The following PATJ variants were observed in gnomAD, a reference collection of about 807,000 sequenced individuals.
PATJ encodes the protein PATJ crumbs cell polarity complex component, also known as inaD-like protein.
A neutral mutation model predicts 224.9 loss-of-function variants in PATJ; 190 were observed. The ratio of observed to expected loss-of-function variants is 0.84; its 90% CI spans 0.75 to 0.95. The LOEUF (loss-of-function observed/expected upper bound fraction) is 0.95. Ranked by LOEUF, PATJ falls within the 40% of genes least tolerant of loss-of-function variation. The pLI, the probability that PATJ is intolerant of heterozygous loss-of-function variation, is 0.00. For missense variants in PATJ, 2,121 were observed against 2,270.3 expected (o/e 0.93, Z 1.34); for synonymous variants, 769 against 820.3 (o/e 0.94, Z 1.07).
intron 22 of PATJ, among the ~76,000 whole-genome samples, chr1:61,898,166 T>A (rs1013994199): frequency 6.6e-6 from 1 of 152,238 alleles, no homozygotes; most frequent in Admixed American, 6.5e-5. Context: ...TGAGGTTGTA[T>A]GCTTAAGCCT....
chr1:62,039,184 A>G (rs890028980), intron 30 of PATJ: 40 of 515,724 alleles, frequency 7.8e-5, no homozygotes, highest in African/African-American at 7.4e-4. Flanking sequence ...TTGTAGAACT[A>G]CTAAAGTTCC....
chr1:62,135,055 A>G (rs1359012059), intron 41 of PATJ, among the ~76,000 whole-genome samples: 1 of 152,160 alleles, frequency 6.6e-6, no homozygotes, highest in Non-Finnish European at 1.5e-5. Flanking sequence ...TAGTTGCATA[A>G]TAAAATCACT....
intron 21 of PATJ, among the ~76,000 whole-genome samples, chr1:61,880,083 C>CA (rs1667888941): frequency 6.6e-6 from 1 of 152,136 alleles, no homozygotes; most frequent in Admixed American, 6.5e-5. Context: ...CTCAGCCTCC[C>CA]AAAGTGCTGG....
chr1:62,057,183 C>T (rs958193528), intron 31 of PATJ, among the ~76,000 whole-genome samples: 2 of 152,002 alleles, frequency 1.3e-5, no homozygotes, highest in African/African-American at 2.4e-5. Context: ...GCTAAGAGAG[C>T]GTATGAAAGG....
rs1667199778 is a variant in PATJ at position 61,875,273 on chromosome 1, C to T, written c.2866C>T (p.Pro956Ser). ...MKENFVMESL[P>S]SVPSTEGNSQ... is the part of the protein sequence containing the mutation. ...AGAAAATTTTGTCATGGAGTCCCTACCATCTGTACCATCAACTGAAGGAAA... is the reference window on the plus strand; with the variant it reads ...AGAAAATTTTGTCATGGAGTCCCTATCATCTGTACCATCAACTGAAGGAAA... The change falls in exon 21 of 44, where the codon CCA becomes TCA. Residue 956 changes from proline to serine, a missense_variant. Pro to Ser is a moderately conservative substitution (Grantham distance 74). Transcript: ENST00000642238. The T allele has an allele frequency of 8.1e-6, 13 of 1,603,336 alleles. No individual in the cohort carries two copies. In the South Asian group the frequency reaches 8.9e-5, roughly 11 times the overall value.
intron 31 of PATJ, among the ~76,000 whole-genome samples, chr1:62,056,521 T>C (rs1050705511): frequency 2.6e-5 from 4 of 151,680 alleles, no homozygotes; most frequent in Non-Finnish European, 5.9e-5. Context: ...GAGTAAGACC[T>C]TATCTCAAAA....
At chr1:61,878,602 G>C (rs908676970) in intron 21 of PATJ, among the ~76,000 whole-genome samples, 9 of 151,832 alleles carry the variant, frequency 5.9e-5, no homozygotes, top group African/African-American at 2.2e-4. Context: ...CTAGCACTTT[G>C]GGAGGCCAAG....
chr1:62,028,353 C>A (rs371906426), intron 29 of PATJ, among the ~76,000 whole-genome samples: 1 of 152,096 alleles, frequency 6.6e-6, no homozygotes, highest in Non-Finnish European at 1.5e-5. Flanking sequence ...ACAGATGCAC[C>A]CCATCAGTGT....
intron 25 of PATJ, among the ~76,000 whole-genome samples, chr1:61,910,084 T>C (rs188576180): frequency 1.3e-5 from 2 of 152,372 alleles, no homozygotes; most frequent in East Asian, 1.9e-4. Context: ...GAGAATATAG[T>C]TGAGGCCATG....
chr1:61,815,198 A>G (rs1157255971), intron 14 of PATJ, among the ~76,000 whole-genome samples: 2 of 152,230 alleles, frequency 1.3e-5, no homozygotes, highest in Non-Finnish European at 2.9e-5. Flanking sequence ...GAGAAGCAGC[A>G]AGTACAGTGG....
At chr1:62,106,710 G>A (rs1266438124) in intron 33 of PATJ, among the ~76,000 whole-genome samples, 3 of 152,132 alleles carry the variant, frequency 2.0e-5, no homozygotes, top group East Asian at 1.9e-4. Context: ...CATTGATGAC[G>A]CCCCTGTGGT....
intron 30 of PATJ, among the ~76,000 whole-genome samples, chr1:62,042,669 C>T (rs1394370399): frequency 6.6e-6 from 1 of 152,038 alleles, no homozygotes; most frequent in African/African-American, 2.4e-5. Context: ...AAAAAAAAGA[C>T]AAGATCTTTT....
intron 30 of PATJ, among the ~76,000 whole-genome samples, chr1:62,050,073 G>A (rs1006506076): frequency 1.9e-4 from 27 of 142,792 alleles, no homozygotes; most frequent in African/African-American, 7.2e-4. Flanking sequence ...CGGAGGTCGT[G>A]CCACTGCACT....
At chr1:61,959,746 A>C (rs777707506) in intron 27 of PATJ, among the ~76,000 whole-genome samples, 31 of 152,070 alleles carry the variant, frequency 2.0e-4, no homozygotes, top group Non-Finnish European at 3.8e-4. Flanking sequence ...CTGCTTTTTT[A>C]GAATGGTTCT....
intron 17 of PATJ, among the ~76,000 whole-genome samples, chr1:61,848,240 G>A (rs1662277684): frequency 6.6e-6 from 1 of 152,176 alleles, no homozygotes. Flanking sequence ...CATCCAGGTG[G>A]GGACCGGGCT....
intron 28 of PATJ, among the ~76,000 whole-genome samples, chr1:62,008,974 T>C (rs1385176711): frequency 6.6e-6 from 1 of 152,196 alleles, no homozygotes; most frequent in South Asian, 2.1e-4. Flanking sequence ...GTCTACATAA[T>C]TTATTATTCT....
At chr1:61,897,786 G>T (rs1418445933) in intron 22 of PATJ, among the ~76,000 whole-genome samples, 1 of 133,034 alleles carries the variant, frequency 7.5e-6, no homozygotes, top group African/African-American at 2.6e-5. Flanking sequence ...TAAAAGAGGG[G>T]TTATGTATTT....
rs779235130 is a variant in PATJ, at chr1:62,134,330, CT to C, written c.5271+5404del. ...TGTGAGCCATCGCACCCAGCCCTCT[CT>C]TTTTTTTTTTTTTTTTTTCTTTTTA... On this transcript the variant is annotated intron_variant, in intron 41 of 43. Coordinates refer to ENST00000642238, the MANE Select transcript of PATJ (RefSeq NM_001350145.3). Among the ~76,000 whole-genome samples, 268 of 96,494 alleles carry C rather than the reference CT, an allele frequency of 2.8e-3. 1 individual carries two copies. The highest frequency in any genetic ancestry group is 8.5e-3 in the South Asian group (21 of 2,476). The allele number at this position is 96,494 out of a possible 152,430, so 63.3% of individuals were successfully genotyped here.
chr1:62,107,607 A>G (rs1163706770), intron 33 of PATJ, among the ~76,000 whole-genome samples: 2 of 152,066 alleles, frequency 1.3e-5, no homozygotes, highest in African/African-American at 4.8e-5. Flanking sequence ...CTTGGAAACT[A>G]TGAGTGGTGA....
Sources: gnomAD v4.1 joint callset for allele counts (sites outside exome capture counted in the v4.1 genomes callset) on GRCh38, gnomAD v4.1.1 for gene constraint, MANE v1.5 for transcripts, NCBI Gene and HGNC (gene_info 2026-07-23, HGNC 2026-07-21) for gene names.